The following CTLA4 variants were observed in gnomAD, a reference collection of about 807,000 sequenced individuals.
The protein encoded by CTLA4 is cytotoxic T-lymphocyte associated protein 4.
CTLA4 carries 3 observed loss-of-function variants against 20.4 expected under a neutral mutation model. That is an observed-to-expected ratio of 0.15 (90% confidence interval 0.07 to 0.38). CTLA4 has a LOEUF of 0.38. Ranked by LOEUF, CTLA4 falls within the 10% of genes least tolerant of loss-of-function variation. The probability of loss-of-function intolerance (pLI) is 1.00; values close to 1 mark genes in which losing one functional copy is unlikely to be tolerated. For missense variants in CTLA4, 184 were observed against 276.8 expected, an observed-to-expected ratio of 0.66 and a Z score of 2.38; for synonymous variants, 100 against 105.2, an observed-to-expected ratio of 0.95 and a Z score of 0.30.
Position 203,873,524 on chromosome 2 carries a change from C to G in CTLA4, c.*712C>G. The stretch of plus-strand genomic sequence containing the variant: ...TGGAGGAGCTCAGGACACTAATACA[C>G]CAGGTAGAACACAAGGTCATTTGCT... On this transcript the variant is annotated 3_prime_UTR_variant, in exon 4 of 4. Coordinates refer to ENST00000648405, the MANE Select transcript of CTLA4 (RefSeq NM_005214.5). 4.5e-6 allele frequency: 1 copy of G among 220,420 alleles called. No homozygotes were observed. Among genetic ancestry groups the G allele is most frequent in the Non-Finnish European group, 9.0e-6 (1 of 110,602 alleles). 13.7% of individuals were successfully genotyped at this position (220,420 alleles called of 1,614,324 possible).
Position 203,872,968 on chromosome 2 carries a change from A to G in CTLA4, c.*156A>G, listed in dbSNP as rs1688761132. The G allele has an allele frequency of 4.9e-6, 3 of 610,532 alleles. No individual in the cohort carries two copies. Among genetic ancestry groups the G allele is most frequent in the Non-Finnish European group, 8.7e-6 (3 of 343,220 alleles). The allele number at this position is 610,532 out of a possible 1,614,324, so 37.8% of individuals were successfully genotyped here. Reference sequence around the variant, plus strand: ...TGGATGCGGAACCCAAATTACGTGTACTACAATTTAAAGCAAAGGAGTAGA... The same window carrying G: ...TGGATGCGGAACCCAAATTACGTGTGCTACAATTTAAAGCAAAGGAGTAGA... On this transcript the variant is annotated 3_prime_UTR_variant, in exon 4 of 4. Transcript: ENST00000648405.
chr2:203,868,405 A>C (rs1688668131), intron 1 of CTLA4, among the ~76,000 whole-genome samples: 2 of 152,222 alleles, frequency 1.3e-5, no homozygotes, highest in African/African-American at 4.8e-5. Context: ...GCTGGGTTTC[A>C]GGATGAGCTC....
intron 1 of CTLA4, among the ~76,000 whole-genome samples, chr2:203,869,493 TA>T (rs771446452): frequency 9.2e-5 from 14 of 152,328 alleles, no homozygotes; most frequent in Non-Finnish European, 1.8e-4. Context: ...CTAGTGTCTC[TA>T]ATATAGGGTG....
chr2:203,872,688 T>A lies in CTLA4; in HGVS notation c.568-20T>A. 6.7e-7 allele frequency: 1 copy of A among 1,502,394 alleles called. No homozygotes were observed. Among genetic ancestry groups the A allele is most frequent in the Non-Finnish European group, 9.3e-7 (1 of 1,078,528 alleles). The allele number at this position is 1,502,394 out of a possible 1,614,324, so 93.1% of individuals were successfully genotyped here. ...CCGTATTCCTCAGTAGTAATTACTG[T>A]TTCTTTTTGTGTTTGACAGCTAAAG... On this transcript the variant is annotated intron_variant, in intron 3 of 3. Coordinates refer to ENST00000648405, the MANE Select transcript of CTLA4 (RefSeq NM_005214.5).
intron 2 of CTLA4, 71 bp from the exon 3 acceptor site, chr2:203,871,307 C>A: frequency 7.4e-7 from 1 of 1,343,272 alleles, no homozygotes; most frequent in Non-Finnish European, 1.1e-6. Flanking sequence ...CCTTTTTTCA[C>A]CAATGTTGGG....
At chr2:203,868,076 A>G in intron 1 of CTLA4, 25 bp downstream of exon 1, 1 of 1,533,230 alleles carries the variant, frequency 6.5e-7, no homozygotes. Context: ...TGGAGCATGA[A>G]GATGGAGGAG....
Position 203,870,235 on chromosome 2 carries a change from C to T in CTLA4, c.110-351C>T, listed in dbSNP as rs1688703820. 9.4e-6 allele frequency: 3 copies of T among 318,212 alleles called. No individual in the cohort carries two copies. The highest frequency in any genetic ancestry group is 1.8e-5 in the Non-Finnish European group (3 of 168,392). 19.7% of individuals were successfully genotyped at this position (318,212 alleles called of 1,614,324 possible). ...AACATATCATCTCATCTAATTATCT[C>T]TTACTATATGTGAAAAAAATGAAGG... On this transcript the variant is annotated intron_variant, in intron 1 of 3. Transcript: ENST00000648405. The surrounding 1 kb of genome is among the most constrained non-coding windows in gnomAD (Gnocchi z 5.3).
In CTLA4 at chr2:203,870,452, A is replaced by C. The variant is rs1266961659; in HGVS notation, c.110-134A>C. ...GGAGGCTGGGGGTGTGGAGAGGGGA[A>C]GGGGTAAGTGATAGATTCGTTGAAG... On this transcript the variant is annotated intron_variant, in intron 1 of 3. Coordinates refer to ENST00000648405, the MANE Select transcript of CTLA4 (RefSeq NM_005214.5). The surrounding 1 kb of genome is among the most constrained non-coding windows in gnomAD (Gnocchi z 5.3). The C allele has an allele frequency of 1.3e-6, 1 of 769,584 alleles. No homozygotes were observed. The allele number at this position is 769,584 out of a possible 1,614,324, so 47.7% of individuals were successfully genotyped here.
intron 2 of CTLA4, 131 bp downstream of exon 2, chr2:203,871,064 C>A: frequency 1.3e-6 from 1 of 745,886 alleles, no homozygotes; most frequent in Non-Finnish European, 2.2e-6. Context: ...AGTTCTGTAC[C>A]ACATGGTAGC....
chr2:203,870,734 G>A lies in CTLA4; in HGVS notation c.258G>A (p.Ala86=), dbSNP rs771695723. The change falls in exon 2 of 4, where the codon GCG becomes GCA. Residue 86 remains alanine (A), a synonymous_variant. Transcript: ENST00000648405. The surrounding 1 kb of genome is among the most constrained non-coding windows in gnomAD (Gnocchi z 5.3). ...ACAGCCAGGTGACTGAAGTCTGTGC[G>A]GCAACCTACATGATGGGGAATGAGT... ...QADSQVTEVC[A]ATYMMGNELT... 18 of 1,614,086 alleles carry A rather than the reference G, an allele frequency of 1.1e-5. No homozygotes were observed. The highest frequency in any genetic ancestry group is 5.3e-5 in the African/African-American group (4 of 74,932).
Position 203,870,440 on chromosome 2 carries a change from G to A in CTLA4, c.110-146G>A. 1 of 712,320 alleles carries A rather than the reference G, an allele frequency of 1.4e-6. No individual in the cohort carries two copies. Among genetic ancestry groups the A allele is most frequent in the Admixed American group, 2.8e-5 (1 of 35,548 alleles). The allele number at this position is 712,320 out of a possible 1,614,324, so 44.1% of individuals were successfully genotyped here. A position where few individuals can be genotyped will look rare whatever the true frequency, so the allele number is the denominator to read the frequency against. On this transcript the variant is annotated intron_variant, in intron 1 of 3. Transcript: ENST00000648405. This position sits in a 1 kb window ranked among gnomAD's most constrained non-coding sequence, Gnocchi z 5.3. ...GAGAGATGGAGGGGAGGCTGGGGGT[G>A]TGGAGAGGGGAAGGGGTAAGTGATA... is the stretch of plus-strand genomic sequence containing the variant.
chr2:203,868,385 A>G (rs1688667922), intron 1 of CTLA4, among the ~76,000 whole-genome samples: 1 of 152,202 alleles, frequency 6.6e-6, no homozygotes, highest in South Asian at 2.1e-4. Context: ...ATAGTCCTGA[A>G]TACATTTGAG....
intron 3 of CTLA4, among the ~76,000 whole-genome samples, chr2:203,871,825 G>A (rs1688739508): frequency 6.6e-6 from 1 of 152,180 alleles, no homozygotes; most frequent in South Asian, 2.1e-4. Context: ...CATGAGATTA[G>A]GCTGGGCAGA....
At chr2:203,872,617 T>C in intron 3 of CTLA4, 91 bp from the exon 4 acceptor site, 1 of 728,806 alleles carries the variant, frequency 1.4e-6, no homozygotes, top group Non-Finnish European at 2.4e-6. Context: ...TTTAACCAGC[T>C]AGGGACCCAA....
At position 203,867,946 on chromosome 2, in the gene CTLA4, G is replaced by A; in HGVS notation, c.4G>A (p.Ala2Thr). The change falls in exon 1 of 4, where the codon GCT becomes ACT. Residue 2 changes from alanine to threonine, a missense_variant. Transcript: ENST00000648405. M[A>T]CLGFQRHKAQ... ...TGAACACCGCTCCCATAAAGCCATG[G>A]CTTGCCTTGGATTTCAGCGGCACAA... 6.2e-7 allele frequency: 1 copy of A among 1,613,728 alleles called. No homozygotes were observed. Among genetic ancestry groups the A allele is most frequent in the East Asian group, 2.2e-5 (1 of 44,870 alleles).
intron 3 of CTLA4, 63 bp downstream of exon 3, chr2:203,871,550 C>A: frequency 1.6e-6 from 2 of 1,249,678 alleles, no homozygotes; most frequent in Non-Finnish European, 1.2e-6. Flanking sequence ...ATCAACTGGC[C>A]AAAAGATGAT....
At position 203,870,909 on chromosome 2, in the gene CTLA4, A is replaced by C. The variant is rs1356678649; in HGVS notation, c.433A>C (p.Asn145His). ...ACCGCCATACTACCTGGGCATAGGC[A>C]ACGGAACCCAGATTTATGTAATTGG... ...YPPPYYLGIG[N>H]GTQIYVIDPE... Residue 145 changes from asparagine (N) to histidine (H), a missense_variant, in exon 2 of 4, where the codon AAC becomes CAC. Asn to His is a moderately conservative substitution (Grantham distance 68). Coordinates refer to ENST00000648405, the MANE Select transcript of CTLA4 (RefSeq NM_005214.5). The surrounding 1 kb of genome is among the most constrained non-coding windows in gnomAD (Gnocchi z 5.3). The C allele has an allele frequency of 6.2e-7, 1 of 1,613,610 alleles. No individual in the cohort carries two copies. The highest frequency in any genetic ancestry group is 1.1e-5 in the South Asian group (1 of 91,064).
At position 203,870,976 on chromosome 2, in the gene CTLA4, A is replaced by G. The variant is rs768137942; in HGVS notation, c.457+43A>G. The G allele has an allele frequency of 2.0e-6, 3 of 1,485,546 alleles. No individual in the cohort carries two copies. The highest frequency in any genetic ancestry group is 2.3e-5 in the East Asian group (1 of 43,612). 92.0% of individuals were successfully genotyped at this position (1,485,546 alleles called of 1,614,324 possible). On this transcript the variant is annotated intron_variant, in intron 2 of 3. Coordinates refer to ENST00000648405, the MANE Select transcript of CTLA4 (RefSeq NM_005214.5). The surrounding 1 kb of genome is among the most constrained non-coding windows in gnomAD (Gnocchi z 5.3). The stretch of plus-strand genomic sequence containing the variant: ...ACTGAGTTGACACCTGTTGCATTGC[A>G]GTCTTCTATGCACAAAAACAGTTTT...
At chr2:203,871,544 A>C in intron 3 of CTLA4, 57 bp downstream of exon 3, 2 of 1,308,302 alleles carry the variant, frequency 1.5e-6, no homozygotes, top group Non-Finnish European at 2.2e-6. Context: ...AGTGGTATCA[A>C]CTGGCCAAAA....
Sources: allele counts gnomAD v4.1 joint callset (sites outside exome capture counted in the v4.1 genomes callset), GRCh38; gene constraint gnomAD v4.1.1; non-coding constraint Gnocchi (gnomAD v3.1); transcripts MANE v1.5; gene names NCBI Gene and HGNC (gene_info 2026-07-23, HGNC 2026-07-21).